NAALADL2: variants seen among roughly 807,000 people sequenced by gnomAD.
NAALADL2 encodes the protein inactive N-acetylated-alpha-linked acidic dipeptidase-like protein 2.
Under a neutral mutation model 87.2 loss-of-function variants are expected in NAALADL2, and 76 were observed. The observed-to-expected ratio is 0.87, with a 90% CI of 0.72 to 1.05. The LOEUF is 1.05. NAALADL2 is among the 50% of genes least tolerant of loss of function. The probability of loss-of-function intolerance (pLI) is 0.00; values close to 1 mark genes in which losing one functional copy is unlikely to be tolerated. For missense variants in NAALADL2, 1,089 were observed against 945.8 expected (o/e 1.15, Z -1.99); for synonymous variants, 354 against 331.0 (o/e 1.07, Z -0.75).
intron 5 of NAALADL2, among the ~76,000 whole-genome samples, chr3:175,402,090 G>A (rs1442863100): frequency 6.6e-6 from 1 of 151,892 alleles, no homozygotes; most frequent in African/African-American, 2.4e-5. Flanking sequence ...TAGGTTGATG[G>A]AAAATATTTC....
intron 2 of NAALADL2, among the ~76,000 whole-genome samples, chr3:175,143,257 CCCA>C (rs1424680745): frequency 6.6e-6 from 1 of 151,828 alleles, no homozygotes; most frequent in Non-Finnish European, 1.5e-5. Context: ...AATATATTTC[CCCA>C]CGTTTTAGTG....
intron 13 of NAALADL2, among the ~76,000 whole-genome samples, chr3:175,759,302 T>C (rs1457162765): frequency 6.6e-6 from 1 of 152,122 alleles, no homozygotes; most frequent in Non-Finnish European, 1.5e-5. Context: ...AAAAGTACTT[T>C]TGTGATTCAG....
chr3:175,446,130 T>C (rs1273525918), intron 5 of NAALADL2, among the ~76,000 whole-genome samples: 2 of 152,148 alleles, frequency 1.3e-5, no homozygotes, highest in Non-Finnish European at 2.9e-5. Context: ...TATTTTCTAT[T>C]GATCTCATCA....
chr3:175,738,399 C>A (rs1744804836), intron 12 of NAALADL2, among the ~76,000 whole-genome samples: 1 of 152,128 alleles, frequency 6.6e-6, no homozygotes, highest in Non-Finnish European at 1.5e-5. Context: ...AGGCACATGC[C>A]ACCACACCCG....
intron 4 of NAALADL2, among the ~76,000 whole-genome samples, chr3:175,301,531 C>A (rs1757087505): frequency 6.6e-6 from 1 of 152,080 alleles, no homozygotes; most frequent in Non-Finnish European, 1.5e-5. Context: ...ATTTCTGATT[C>A]ACTGAATATG....
intron 1 of NAALADL2, among the ~76,000 whole-genome samples, chr3:175,077,346 A>T (rs1421563940): frequency 6.6e-6 from 1 of 152,230 alleles, no homozygotes; most frequent in Non-Finnish European, 1.5e-5. Flanking sequence ...CTGTGAAAGG[A>T]AAAGAAAAGC....
intron 2 of NAALADL2, among the ~76,000 whole-genome samples, chr3:174,561,909 G>A (rs919612664): frequency 1.8e-4 from 27 of 151,954 alleles, no homozygotes; most frequent in African/African-American, 5.3e-4. Context: ...AGTGCATTTC[G>A]GAAATTTTAT....
intron 11 of NAALADL2, among the ~76,000 whole-genome samples, chr3:175,666,934 T>G (rs80124837): frequency 0.031 from 4,678 of 152,100 alleles, 236 homozygotes; most frequent in African/African-American, 0.11. Flanking sequence ...TACTTCTTCC[T>G]GGGATAGACC....
At chr3:175,662,463 A>G (rs1042291080) in intron 11 of NAALADL2, among the ~76,000 whole-genome samples, 1 of 152,010 alleles carries the variant, frequency 6.6e-6, no homozygotes, top group South Asian at 2.1e-4. Flanking sequence ...TTCCTTTCCA[A>G]TTTGGATGCT....
intron 1 of NAALADL2, among the ~76,000 whole-genome samples, chr3:174,990,837 C>T (rs1382253942): frequency 1.3e-5 from 2 of 152,066 alleles, no homozygotes; most frequent in East Asian, 1.9e-4. Context: ...TACATGGGAC[C>T]GAGGTATCAG....
intron 1 of NAALADL2, among the ~76,000 whole-genome samples, chr3:174,989,743 C>A (rs910674657): frequency 6.6e-6 from 1 of 152,182 alleles, no homozygotes; most frequent in Non-Finnish European, 1.5e-5. Flanking sequence ...AAATTGAACC[C>A]GAGTCAGGCA....
At chr3:174,731,335 C>G (rs1016202176) in intron 2 of NAALADL2, among the ~76,000 whole-genome samples, 1 of 152,136 alleles carries the variant, frequency 6.6e-6, no homozygotes, top group African/African-American at 2.4e-5. Context: ...AGGTTTTACA[C>G]TTTGGCACTT....
intron 5 of NAALADL2, among the ~76,000 whole-genome samples, chr3:175,428,260 A>G (rs545278829): frequency 6.6e-6 from 1 of 152,280 alleles, no homozygotes; most frequent in East Asian, 1.9e-4. Context: ...ACAGATAGCT[A>G]GAAAATGGGA....
chr3:174,674,497 C>T (rs187871642), intron 2 of NAALADL2, among the ~76,000 whole-genome samples: 4 of 152,036 alleles, frequency 2.6e-5, no homozygotes, highest in Admixed American at 2.6e-4. Flanking sequence ...CATTTCTACT[C>T]AACCACTCTT....
At chr3:175,163,793 G>A (rs1733584437) in intron 2 of NAALADL2, among the ~76,000 whole-genome samples, 1 of 152,158 alleles carries the variant, frequency 6.6e-6, no homozygotes, top group East Asian at 1.9e-4. Context: ...GTTTGTACAA[G>A]CCTTGGGTGA....
chr3:175,361,690 C>G (rs1765029851), intron 5 of NAALADL2, among the ~76,000 whole-genome samples: 1 of 148,252 alleles, frequency 6.7e-6, no homozygotes, highest in Non-Finnish European at 1.5e-5. Flanking sequence ...TGTTCATATC[C>G]TTCGCCCACT....
Position 174,454,082 on chromosome 3 carries a change from A to G in NAALADL2, c.-184+13050A>G, listed in dbSNP as rs147584857. Among the ~76,000 whole-genome samples the G allele has an allele frequency of 2.0e-5, 3 of 152,294 alleles. No homozygotes were observed. The East Asian group carries it at 5.8e-4, about 29-fold the overall frequency. On this transcript the variant is annotated intron_variant, in intron 1 of 3. Transcript: ENST00000434257. ...AAATCTTCAAGCAAATGAAAACCAGAAAGGAGAGGTTACCACACTAATTTT... is the reference window on the plus strand; with the variant it reads ...AAATCTTCAAGCAAATGAAAACCAGGAAGGAGAGGTTACCACACTAATTTT...
At chr3:175,672,254 A>G (rs541542464) in intron 11 of NAALADL2, among the ~76,000 whole-genome samples, 1 of 152,244 alleles carries the variant, frequency 6.6e-6, no homozygotes, top group East Asian at 1.9e-4. Flanking sequence ...TCTTAACCCC[A>G]TCCGGGAACA....
intron 3 of NAALADL2, among the ~76,000 whole-genome samples, chr3:175,250,037 C>T (rs1022715948): frequency 3.3e-5 from 5 of 151,856 alleles, no homozygotes; most frequent in East Asian, 1.9e-4. Context: ...GGCGTGGTGG[C>T]GCATGCCTGT....
Sources: gnomAD v4.1 joint callset for allele counts (sites outside exome capture counted in the v4.1 genomes callset) on GRCh38, gnomAD v4.1.1 for gene constraint, MANE v1.5 for transcripts, NCBI Gene and HGNC (gene_info 2026-07-23, HGNC 2026-07-21) for gene names.